Variants in PTPRT observed in about 807,000 individuals in gnomAD.
The protein encoded by PTPRT is receptor-type tyrosine-protein phosphatase T.
In PTPRT, 56 loss-of-function variants were observed where a neutral mutation model predicts 176.8. The observed-to-expected ratio is 0.32, with a 90% confidence interval of 0.26 to 0.40. The LOEUF (loss-of-function observed/expected upper bound fraction) is 0.40. Ranked by LOEUF, PTPRT falls within the 10% of genes least tolerant of loss-of-function variation. PTPRT has a pLI of 1.00. For synonymous variants in PTPRT, 783 were observed against 739.0 expected (o/e 1.06, Z -0.96); for missense variants, 1,540 against 1,908.2 (o/e 0.81, Z 3.60).
chr20:42,974,323 C>T (rs1982819577), intron 1 of PTPRT, among the ~76,000 whole-genome samples: 1 of 152,160 alleles, frequency 6.6e-6, no homozygotes, highest in Non-Finnish European at 1.5e-5. Flanking sequence ...AGCCACATCA[C>T]CCCCAAATTT....
chr20:42,881,400 C>T (rs1310108857), intron 2 of PTPRT, among the ~76,000 whole-genome samples: 1 of 152,052 alleles, frequency 6.6e-6, no homozygotes, highest in African/African-American at 2.4e-5. Context: ...GGAAGATTGC[C>T]TTGAGGAGTC....
intron 9 of PTPRT, among the ~76,000 whole-genome samples, chr20:42,401,420 T>C (rs949495925): frequency 2.0e-5 from 3 of 152,140 alleles, no homozygotes; most frequent in Non-Finnish European, 4.4e-5. Flanking sequence ...ATTTATATCA[T>C]ATTCCATAGC....
At chr20:42,070,483 C>T (rs902229613), downstream of PTPRT, among the ~76,000 whole-genome samples, 1 of 151,966 alleles carries the variant, frequency 6.6e-6, no homozygotes, top group African/African-American at 2.4e-5. Flanking sequence ...TCTCTGCTAA[C>T]GTTGATCCTT....
intron 2 of PTPRT, among the ~76,000 whole-genome samples, chr20:42,826,930 T>C (rs2078003904): frequency 6.6e-6 from 1 of 152,128 alleles, no homozygotes; most frequent in African/African-American, 2.4e-5. Context: ...CAACACAGAC[T>C]TTATCCAGCC....
At chr20:43,000,137 T>C (rs1984480586) in intron 1 of PTPRT, among the ~76,000 whole-genome samples, 1 of 151,594 alleles carries the variant, frequency 6.6e-6, no homozygotes, top group Non-Finnish European at 1.5e-5. Context: ...CTAGTTTTCC[T>C]GGAAATACCC....
chr20:43,116,314 G>A (rs74765087), intron 1 of PTPRT, among the ~76,000 whole-genome samples: 1,912 of 152,084 alleles, frequency 0.013, 56 homozygotes, highest in African/African-American at 0.044. Context: ...ATCTTAATGG[G>A]GATTAAAAAC....
At chr20:42,314,803 A>C (rs1402726518) in intron 12 of PTPRT, among the ~76,000 whole-genome samples, 1 of 152,198 alleles carries the variant, frequency 6.6e-6, no homozygotes, top group South Asian at 2.1e-4. Flanking sequence ...TCAATAGGAA[A>C]TATTTCAGTA....
At chr20:42,874,434 T>A (rs1165233326) in intron 2 of PTPRT, among the ~76,000 whole-genome samples, 4 of 141,488 alleles carry the variant, frequency 2.8e-5, no homozygotes, top group Non-Finnish European at 6.2e-5. Flanking sequence ...GAAGACATCC[T>A]CTCCTCAAAA....
At chr20:42,204,474 C>T (rs997765342) in intron 15 of PTPRT, among the ~76,000 whole-genome samples, 14 of 152,066 alleles carry the variant, frequency 9.2e-5, no homozygotes, top group Non-Finnish European at 1.9e-4. Flanking sequence ...GCAGGGGGTA[C>T]CAAAAGCTGA....
chr20:43,055,273 CAT>C (rs1987191346), intron 1 of PTPRT, among the ~76,000 whole-genome samples: 1 of 152,100 alleles, frequency 6.6e-6, no homozygotes. Flanking sequence ...ACTTCAGAAA[CAT>C]GAAAGAAATG....
intron 1 of PTPRT, among the ~76,000 whole-genome samples, chr20:43,169,502 T>G (rs2014942470): frequency 6.6e-6 from 1 of 152,178 alleles, no homozygotes; most frequent in South Asian, 2.1e-4. Context: ...AATTCAACAC[T>G]GGGGGTTATA....
At chr20:42,592,756 C>T (rs1264465279) in intron 7 of PTPRT, among the ~76,000 whole-genome samples, 2 of 152,176 alleles carry the variant, frequency 1.3e-5, no homozygotes. Context: ...GTTTCTGCTT[C>T]CTGGTTTCCA....
intron 11 of PTPRT, among the ~76,000 whole-genome samples, chr20:42,328,229 C>T (rs999062606): frequency 2.0e-5 from 3 of 152,052 alleles, no homozygotes; most frequent in Non-Finnish European, 4.4e-5. Flanking sequence ...ATCTGAAAAG[C>T]CTTTGTTACT....
At chr20:42,180,953 T>C (rs765669646) in intron 16 of PTPRT, among the ~76,000 whole-genome samples, 9 of 152,096 alleles carry the variant, frequency 5.9e-5, no homozygotes, top group South Asian at 4.2e-4. Context: ...TTATTTAATC[T>C]CCCTGAACCT....
chr20:42,654,882 T>C (rs1161624346), intron 7 of PTPRT, among the ~76,000 whole-genome samples: 1 of 152,230 alleles, frequency 6.6e-6, no homozygotes, highest in Non-Finnish European at 1.5e-5. Flanking sequence ...AGGGCAAGAA[T>C]ATCACTACTA....
At position 42,614,010 on chromosome 20, in the gene PTPRT, T is replaced by C. The variant is rs150267992; in HGVS notation, c.1153+63856A>G. Among the ~76,000 whole-genome samples, 1,004 of 149,024 alleles carry C rather than the reference T, an allele frequency of 6.7e-3. 7 individuals are homozygous for C. Among genetic ancestry groups the C allele is most frequent in the African/African-American group, 0.024 (964 of 40,980 alleles). ...TGGGTGGGGGGTGGGGGCTTAACAA[T>C]AGGAATTTATCATCCTATTGTTCTA... On this transcript the variant is annotated intron_variant, in intron 7 of 30. Transcript: ENST00000373187.
intron 1 of PTPRT, among the ~76,000 whole-genome samples, chr20:42,948,371 C>A (rs1981021188): frequency 6.6e-6 from 1 of 152,186 alleles, no homozygotes; most frequent in Non-Finnish European, 1.5e-5. Context: ...CCTTCCCACT[C>A]CAGCCTGCCC....
At chr20:42,485,310 T>A (rs408366) in intron 7 of PTPRT, among the ~76,000 whole-genome samples, 43,016 of 151,632 alleles carry the variant, frequency 0.28, 6,541 homozygotes, top group East Asian at 0.4. Context: ...TTTAAAGAAA[T>A]TAAAGGAAAA....
intron 1 of PTPRT, among the ~76,000 whole-genome samples, chr20:42,951,697 G>GGTA: frequency 6.6e-6 from 1 of 152,180 alleles, no homozygotes; most frequent in South Asian, 2.1e-4. Flanking sequence ...GAGAGCTGAT[G>GGTA]GTAGCTTGGT....
Sources: allele counts gnomAD v4.1 joint callset (sites outside exome capture counted in the v4.1 genomes callset), GRCh38; gene constraint gnomAD v4.1.1; transcripts MANE v1.5; gene names NCBI Gene and HGNC (gene_info 2026-07-23, HGNC 2026-07-21).